Variants in SLC45A3 observed in about 807,000 individuals in gnomAD.
SLC45A3 encodes solute carrier family 45 member 3, also known as prostate cancer associated protein 2.
Under a neutral mutation model 35.3 loss-of-function variants are expected in SLC45A3, and 17 were observed. That is an observed-to-expected ratio of 0.48 (90% confidence interval 0.33 to 0.72). The LOEUF is 0.72. Among genes scored for constraint, SLC45A3 ranks in the 30% least tolerant of loss-of-function variants. The pLI is 0.02. For synonymous variants in SLC45A3, 288 were observed against 334.3 expected, an observed-to-expected ratio of 0.86 and a Z score of 1.51; for missense variants, 597 against 731.7, an observed-to-expected ratio of 0.82 and a Z score of 2.12.
At chr1:205,670,836 C>CCGTCACTT (rs1671200669) in intron 1 of SLC45A3, among the ~76,000 whole-genome samples, 1 of 152,212 alleles carries the variant, frequency 6.6e-6, no homozygotes, top group Non-Finnish European at 1.5e-5. Context: ...GCTCCTGAGC[C>CCGTCACTT]CGTCACTTCG....
At chr1:205,663,669 A>G in intron 2 of SLC45A3, 51 bp from the exon 3 acceptor site, 2 of 1,500,082 alleles carry the variant, frequency 1.3e-6, no homozygotes, top group Admixed American at 2.2e-5. Context: ...GTAAAGGGCA[A>G]GGGGAAGGGG....
At position 205,666,297 on chromosome 1, in the gene SLC45A3, T is replaced by C. The variant is rs2096209; in HGVS notation, c.-230-1411A>G. Among the ~76,000 whole-genome samples, 146,054 of 152,118 alleles carry C rather than the reference T, an allele frequency of 0.96. 70,184 individuals carry two copies. Among genetic ancestry groups the C allele is most frequent in the East Asian group, 1 (5,168 of 5,170 alleles). ...CCAAGGCAGGAGGATCACTTCAGCCTGGGAGTTTGAGACCAGCCTGGGCAA... is the reference window on the plus strand; with the variant it reads ...CCAAGGCAGGAGGATCACTTCAGCCCGGGAGTTTGAGACCAGCCTGGGCAA... On this transcript the variant is annotated intron_variant, in intron 1 of 4. Transcript: ENST00000367145. This position sits in a 1 kb window ranked among gnomAD's most constrained non-coding sequence, Gnocchi z 4.1.
intron 1 of SLC45A3, among the ~76,000 whole-genome samples, chr1:205,679,674 G>A (rs1405866093): frequency 8.1e-6 from 1 of 122,776 alleles, no homozygotes; most frequent in African/African-American, 3.0e-5. Context: ...AGGCTGAAAA[G>A]GGGACACAGT....
intron 1 of SLC45A3, among the ~76,000 whole-genome samples, chr1:205,674,356 G>A (rs886109294): frequency 5.3e-5 from 8 of 152,092 alleles, no homozygotes; most frequent in South Asian, 2.1e-4. Flanking sequence ...GGAGGCTGAG[G>A]GAGGCGTATG....
At chr1:205,679,517 C>A (rs540327892) in intron 1 of SLC45A3, among the ~76,000 whole-genome samples, 2 of 152,128 alleles carry the variant, frequency 1.3e-5, no homozygotes, top group Non-Finnish European at 2.9e-5. Flanking sequence ...CCTGCCTAGG[C>A]CCAGAGCTCT....
intron 1 of SLC45A3, among the ~76,000 whole-genome samples, chr1:205,679,594 C>T (rs1671367181): frequency 6.6e-6 from 1 of 152,094 alleles, no homozygotes. Context: ...GAACTCTGTC[C>T]TTCCCCACCT....
intron 1 of SLC45A3, among the ~76,000 whole-genome samples, chr1:205,671,580 C>G (rs1177394487): frequency 6.6e-6 from 1 of 152,146 alleles, no homozygotes; most frequent in African/African-American, 2.4e-5. Flanking sequence ...AACAGCAGGC[C>G]GGGCACGGTG....
chr1:205,670,868 C>T (rs953580805), intron 1 of SLC45A3, among the ~76,000 whole-genome samples: 2 of 152,210 alleles, frequency 1.3e-5, no homozygotes, highest in Non-Finnish European at 2.9e-5. Context: ...GAATCCCAGG[C>T]CCTAGGGGGG....
chr1:205,660,985 G>A (rs532601427), intron 4 of SLC45A3, among the ~76,000 whole-genome samples: 31 of 152,304 alleles, frequency 2.0e-4, no homozygotes, highest in Non-Finnish European at 4.1e-4. Context: ...GCTACGAGAC[G>A]CAGGGGCAGG....
chr1:205,680,338 C>G (rs1571547917), intron 1 of SLC45A3, 56 bp downstream of exon 1: 1 of 152,190 alleles, frequency 6.6e-6, no homozygotes, highest in East Asian at 2.0e-4. Flanking sequence ...TGCACTGCTG[C>G]TCCCTTTCCC....
chr1:205,659,522 G>C lies in SLC45A3; in HGVS notation c.1374C>G (p.Pro458=). Residue 458 remains proline, a synonymous_variant, in exon 5 of 5, where the codon CCC becomes CCG. Coordinates refer to ENST00000367145, the MANE Select transcript of SLC45A3 (RefSeq NM_033102.3). The surrounding 1 kb of genome is among the most constrained non-coding windows in gnomAD (Gnocchi z 5.8). Reference sequence around the variant, plus strand: ...CACAGGCAGAGGCCCCGCAGAGCGCGGGTGGAGGTGGGAGCAGGCCACTGC... The same window carrying C: ...CACAGGCAGAGGCCCCGCAGAGCGCCGGTGGAGGTGGGAGCAGGCCACTGC... ...AGGSGLLPPP[P]ALCGASACDV... 1 of 1,610,656 alleles carries C rather than the reference G, an allele frequency of 6.2e-7. No individual in the cohort carries two copies. The highest frequency in any genetic ancestry group is 8.5e-7 in the Non-Finnish European group (1 of 1,178,012).
intron 2 of SLC45A3, among the ~76,000 whole-genome samples, chr1:205,663,878 G>A (rs898781298): frequency 2.6e-5 from 4 of 152,282 alleles, no homozygotes; most frequent in Middle Eastern, 3.4e-3. Context: ...AAGAGGCAGC[G>A]TTTCAACAAG....
intron 1 of SLC45A3, among the ~76,000 whole-genome samples, chr1:205,677,303 C>T (rs73078390): frequency 0.01 from 1,575 of 152,274 alleles, 29 homozygotes; most frequent in African/African-American, 0.036. Flanking sequence ...GCAGATGCGT[C>T]CTTCGTAGCT....
In SLC45A3 at chr1:205,658,474, A is replaced by G. The variant is rs995192576; in HGVS notation, c.*760T>C. 2 of 233,084 alleles carry G rather than the reference A, an allele frequency of 8.6e-6. No individual in the cohort carries two copies. Among genetic ancestry groups the G allele is most frequent in the Non-Finnish European group, 1.7e-5 (2 of 117,986 alleles). 14.4% of individuals were successfully genotyped at this position (233,084 alleles called of 1,614,324 possible). On this transcript the variant is annotated 3_prime_UTR_variant, in exon 5 of 5. Coordinates refer to ENST00000367145, the MANE Select transcript of SLC45A3 (RefSeq NM_033102.3). ...GCCCAATGACCAGCTATCTCAGGGG[A>G]CCTGATTGTTGGGGATCCCCCACCC...
chr1:205,680,203 G>A (rs1671382621), intron 1 of SLC45A3, among the ~76,000 whole-genome samples, 191 bp downstream of exon 1: 1 of 151,864 alleles, frequency 6.6e-6, no homozygotes, highest in Admixed American at 6.6e-5. Context: ...ACCCGCCCCG[G>A]CAGAGCGTGT....
At position 205,658,290 on chromosome 1, in the gene SLC45A3, C is replaced by T. The variant is rs577976421; in HGVS notation, c.*944G>A. ...AGAGAAGAGGGGTGGTTAGGGAAGC[C>T]GTTGAGACCTGAAGCCCCACCCTCT... On this transcript the variant is annotated 3_prime_UTR_variant, in exon 5 of 5. Transcript: ENST00000367145. 5.6e-5 allele frequency: 13 copies of T among 232,668 alleles called. No homozygotes were observed. The highest frequency in any genetic ancestry group is 1.2e-4 in the East Asian group (2 of 16,538). 14.4% of individuals were successfully genotyped at this position (232,668 alleles called of 1,614,324 possible). A position where few individuals can be genotyped will look rare whatever the true frequency, so the allele number is the denominator to read the frequency against.
At chr1:205,679,174 A>G (rs1287877659) in intron 1 of SLC45A3, among the ~76,000 whole-genome samples, 1 of 152,136 alleles carries the variant, frequency 6.6e-6, no homozygotes, top group Non-Finnish European at 1.5e-5. Flanking sequence ...GGGCAGCAAG[A>G]CAGCAGCTGG....
In SLC45A3 at chr1:205,659,350, G is replaced by A. The variant is rs1670976886; in HGVS notation, c.1546C>T (p.Leu516Phe). ...PSLFMGSIVQ[L>F]SQSVTAYMVS... ...ATATAGGCAGTGACAGACTGGCTGA[G>A]CTGGACAATGGAGCCCATAAACAGG... The change falls in exon 5 of 5, where the codon CTC (leucine) becomes TTC (phenylalanine). Residue 516 changes from leucine to phenylalanine, a missense_variant. Coordinates refer to ENST00000367145, the MANE Select transcript of SLC45A3 (RefSeq NM_033102.3). The surrounding 1 kb of genome is among the most constrained non-coding windows in gnomAD (Gnocchi z 5.8). 37 of 1,614,236 alleles carry A rather than the reference G, an allele frequency of 2.3e-5. No individual in the cohort carries two copies. Among genetic ancestry groups the A allele is most frequent in the Non-Finnish European group, 2.7e-5 (32 of 1,180,034 alleles).
chr1:205,676,357 G>A (rs953069430), intron 1 of SLC45A3, among the ~76,000 whole-genome samples: 4 of 152,270 alleles, frequency 2.6e-5, no homozygotes, highest in East Asian at 1.9e-4. Flanking sequence ...TATGGTGACT[G>A]GGGGACTGTG....
Sources: gnomAD v4.1 joint callset for allele counts (sites outside exome capture counted in the v4.1 genomes callset) on GRCh38, gnomAD v4.1.1 for gene constraint, Gnocchi (gnomAD v3.1) non-coding constraint, MANE v1.5 for transcripts, NCBI Gene and HGNC (gene_info 2026-07-23, HGNC 2026-07-21) for gene names.